Variants in SH3BGRL2 observed in about 807,000 individuals in gnomAD.
SH3BGRL2 encodes SH3 domain binding glutamate rich protein like 2, also known as SH3 domain-binding glutamic acid-rich-like protein 2.
In SH3BGRL2, 21 loss-of-function variants were observed where a neutral mutation model predicts 14.8. That is an observed-to-expected ratio of 1.42 (90% confidence interval 1.01 to 2.05). The LOEUF is 2.05. SH3BGRL2 is among the 30% of genes most tolerant of loss of function. The pLI, the probability that SH3BGRL2 is intolerant of heterozygous loss-of-function variation, is 0.00. For missense variants in SH3BGRL2, 147 were observed against 130.8 expected (o/e 1.12, Z -0.61); for synonymous variants, 50 against 47.8 (o/e 1.05, Z -0.19).
chr6:79,584,855 C>T, the SH3BGRL2 span, among the ~76,000 whole-genome samples: 2 of 152,114 alleles, frequency 1.3e-5, no homozygotes, highest in African/African-American at 4.8e-5. Context: ...GTTTTAAATG[C>T]ATGTATCTTT....
chr6:79,692,896 AGT>A (rs1770253930), intron 2 of SH3BGRL2, among the ~76,000 whole-genome samples: 2 of 152,156 alleles, frequency 1.3e-5, no homozygotes, highest in African/African-American at 2.4e-5. Context: ...CTGTGAAGAA[AGT>A]CATTGGTACC....
At chr6:79,634,732 A>G (rs1317598826) in intron 1 of SH3BGRL2, among the ~76,000 whole-genome samples, 2 of 152,316 alleles carry the variant, frequency 1.3e-5, no homozygotes, top group South Asian at 2.1e-4. Context: ...TAGGAAAGGT[A>G]GTAAAGTACA....
At chr6:79,617,836 C>A in the SH3BGRL2 span, among the ~76,000 whole-genome samples, 1 of 152,202 alleles carries the variant, frequency 6.6e-6, no homozygotes, top group African/African-American at 2.4e-5. Context: ...AATCAGGAGG[C>A]ACTTAATGCC....
At chr6:79,640,952 T>G (rs1769020370) in intron 1 of SH3BGRL2, among the ~76,000 whole-genome samples, 1 of 152,160 alleles carries the variant, frequency 6.6e-6, no homozygotes, top group Non-Finnish European at 1.5e-5. Context: ...GCAAATATAG[T>G]TAAAGTCAGC....
the SH3BGRL2 span, among the ~76,000 whole-genome samples, chr6:79,565,935 T>G: frequency 1.3e-5 from 2 of 152,250 alleles, no homozygotes; most frequent in Non-Finnish European, 2.9e-5. Context: ...TGATTATTAC[T>G]GGTGCTTTTT....
the SH3BGRL2 span, among the ~76,000 whole-genome samples, chr6:79,582,222 A>G: frequency 6.6e-6 from 1 of 152,308 alleles, no homozygotes; most frequent in East Asian, 1.9e-4. Context: ...AAAGTAATTT[A>G]TAGATTCAAT....
the SH3BGRL2 span, among the ~76,000 whole-genome samples, chr6:79,604,644 C>A: frequency 1.3e-5 from 2 of 152,164 alleles, no homozygotes; most frequent in South Asian, 4.1e-4. Flanking sequence ...AGTATATAAT[C>A]ATTTGTCTGC....
intron 1 of SH3BGRL2, among the ~76,000 whole-genome samples, chr6:79,658,749 A>G (rs543300167): frequency 1.4e-4 from 22 of 152,098 alleles, no homozygotes; most frequent in South Asian, 6.2e-4. Flanking sequence ...AATAATTTAC[A>G]CTCCCACCAA....
chr6:79,686,924 C>T (rs1023964884), intron 2 of SH3BGRL2, among the ~76,000 whole-genome samples: 5 of 152,162 alleles, frequency 3.3e-5, no homozygotes, highest in African/African-American at 1.2e-4. Context: ...GTGCGTGTCC[C>T]TCCAGGGTGA....
chr6:79,659,207 C>T (rs868146870), intron 1 of SH3BGRL2, among the ~76,000 whole-genome samples: 44 of 152,084 alleles, frequency 2.9e-4, no homozygotes, highest in African/African-American at 9.4e-4. Context: ...TCCTGAAGTC[C>T]TTGCCCATAC....
At chr6:79,646,825 A>G (rs569478423) in intron 1 of SH3BGRL2, among the ~76,000 whole-genome samples, 2 of 152,310 alleles carry the variant, frequency 1.3e-5, no homozygotes, top group African/African-American at 4.8e-5. Context: ...TTCACTTGGC[A>G]TAATGTTTTT....
intron 1 of SH3BGRL2, among the ~76,000 whole-genome samples, chr6:79,639,376 C>T (rs886154492): frequency 6.6e-6 from 1 of 152,120 alleles, no homozygotes; most frequent in Non-Finnish European, 1.5e-5. Context: ...ATCTCTTGAA[C>T]TCAGGAGCTC....
chr6:79,635,538 C>T (rs1024566759), intron 1 of SH3BGRL2, among the ~76,000 whole-genome samples: 2 of 152,142 alleles, frequency 1.3e-5, no homozygotes, highest in African/African-American at 4.8e-5. Context: ...TGTACTCTGC[C>T]CTCATGGCAT....
At chr6:79,582,787 G>T in the SH3BGRL2 span, among the ~76,000 whole-genome samples, 1 of 152,126 alleles carries the variant, frequency 6.6e-6, no homozygotes, top group South Asian at 2.1e-4. Context: ...AGACAAATGG[G>T]ATCTAATTAA....
At chr6:79,554,129 C>T in the SH3BGRL2 span, among the ~76,000 whole-genome samples, 61 of 129,380 alleles carry the variant, frequency 4.7e-4, no homozygotes, top group African/African-American at 1.7e-3. Flanking sequence ...TGTAGTCAGT[C>T]GAGCCATGTT....
intron 1 of SH3BGRL2, among the ~76,000 whole-genome samples, chr6:79,667,188 A>G (rs1230359797): frequency 6.6e-6 from 1 of 152,238 alleles, no homozygotes; most frequent in African/African-American, 2.4e-5. Flanking sequence ...CTTCATAGTC[A>G]CAAAGAATTT....
the SH3BGRL2 span, among the ~76,000 whole-genome samples, chr6:79,575,936 G>T: frequency 6.6e-6 from 1 of 151,254 alleles, no homozygotes; most frequent in African/African-American, 2.4e-5. Flanking sequence ...AATTTTCTTT[G>T]GGATATATTA....
chr6:79,543,363 G>A, the SH3BGRL2 span, among the ~76,000 whole-genome samples: 1 of 152,140 alleles, frequency 6.6e-6, no homozygotes, highest in Non-Finnish European at 1.5e-5. Flanking sequence ...GTCACATGCA[G>A]GTTGTAGCTA....
At chr6:79,551,602 G>C in the SH3BGRL2 span, among the ~76,000 whole-genome samples, 1 of 152,144 alleles carries the variant, frequency 6.6e-6, no homozygotes, top group South Asian at 2.1e-4. Flanking sequence ...TGAAGGAGGA[G>C]GGGTTGGGGT....
Sources: allele counts gnomAD v4.1 joint callset (sites outside exome capture counted in the v4.1 genomes callset), GRCh38; gene constraint gnomAD v4.1.1; transcripts MANE v1.5; gene names NCBI Gene and HGNC (gene_info 2026-07-23, HGNC 2026-07-21).